Variants in TOX3 observed in about 807,000 individuals in gnomAD.
TOX3 encodes TOX high mobility group box family member 3.
TOX3 carries 22 observed loss-of-function variants against 64.3 expected under a neutral mutation model. The observed-to-expected ratio is 0.34, with a 90% CI of 0.24 to 0.49. The LOEUF is 0.49. Among genes scored for constraint, TOX3 ranks in the 20% least tolerant of loss-of-function variants. TOX3 has a pLI of 0.99. For synonymous variants in TOX3, 291 were observed against 273.6 expected (o/e 1.06, Z -0.63); for missense variants, 661 against 714.4 (o/e 0.93, Z 0.85).
chr16:52,478,119 C>G (rs797022649), intron 1 of TOX3, among the ~76,000 whole-genome samples: 9 of 152,312 alleles, frequency 5.9e-5, no homozygotes, highest in African/African-American at 2.2e-4. Flanking sequence ...TATGACAGTG[C>G]AAGAGAATTT....
At chr16:52,453,106 A>G (rs982024037) in intron 3 of TOX3, among the ~76,000 whole-genome samples, 1 of 152,020 alleles carries the variant, frequency 6.6e-6, no homozygotes, top group African/African-American at 2.4e-5. Flanking sequence ...GCTCACTGAC[A>G]TAACTTCCAC....
intron 1 of TOX3, among the ~76,000 whole-genome samples, chr16:52,517,654 C>T (rs1962493539): frequency 6.6e-6 from 1 of 152,098 alleles, no homozygotes; most frequent in South Asian, 2.1e-4. Context: ...AAAATCCTAG[C>T]TGCCCTCTGC....
chr16:52,480,388 G>T (rs1322588088), intron 1 of TOX3, among the ~76,000 whole-genome samples: 1 of 152,120 alleles, frequency 6.6e-6, no homozygotes, highest in Non-Finnish European at 1.5e-5. Context: ...CGTAGTTCTT[G>T]CTGCAATCCA....
chr16:52,438,998 A>G lies in TOX3; in HGVS notation c.*227T>C, dbSNP rs745806687. ...AAATAAAAAAGGCATCACATAAAAG[A>G]GCACAGCTTTTCTTGTTTAAAAACA... On this transcript the variant is annotated 3_prime_UTR_variant, in exon 7 of 7. Coordinates refer to ENST00000219746, the MANE Select transcript of TOX3 (RefSeq NM_001080430.4). The G allele has an allele frequency of 1.4e-6, 1 of 727,454 alleles. No homozygotes were observed. The highest frequency in any genetic ancestry group is 2.8e-5 in the East Asian group (1 of 36,238). 45.1% of individuals were successfully genotyped at this position (727,454 alleles called of 1,614,324 possible).
At chr16:52,461,932 G>A (rs1238646917) in intron 3 of TOX3, among the ~76,000 whole-genome samples, 1 of 152,100 alleles carries the variant, frequency 6.6e-6, no homozygotes, top group Non-Finnish European at 1.5e-5. Context: ...ATGTCAGGTA[G>A]TACATAGAAC....
chr16:52,452,190 T>C (rs986511569), intron 3 of TOX3, among the ~76,000 whole-genome samples: 1 of 152,202 alleles, frequency 6.6e-6, no homozygotes, highest in African/African-American at 2.4e-5. Flanking sequence ...TTAACAATGG[T>C]TACATTATAA....
chr16:52,539,094 C>A (rs1019429636), intron 1 of TOX3, among the ~76,000 whole-genome samples: 3 of 152,044 alleles, frequency 2.0e-5, no homozygotes, highest in Non-Finnish European at 2.9e-5. Context: ...GTTATGACAC[C>A]ATTAACATTT....
At chr16:52,515,681 A>G (rs1053113399) in intron 1 of TOX3, among the ~76,000 whole-genome samples, 7 of 152,270 alleles carry the variant, frequency 4.6e-5, no homozygotes, top group African/African-American at 1.7e-4. Flanking sequence ...CTTTGAATTT[A>G]TGAAGCCAGT....
intron 1 of TOX3, chr16:52,519,374 A>G: frequency 6.5e-7 from 1 of 1,548,776 alleles, no homozygotes; most frequent in South Asian, 1.2e-5. Flanking sequence ...GTCCAGATCC[A>G]TTAGAAACCT....
At chr16:52,518,398 G>C (rs1962512018) in intron 1 of TOX3, among the ~76,000 whole-genome samples, 1 of 152,126 alleles carries the variant, frequency 6.6e-6, no homozygotes, top group South Asian at 2.1e-4. Context: ...ATACCCATGG[G>C]AGAAATAGAT....
At chr16:52,456,911 C>A (rs1960534980) in intron 3 of TOX3, among the ~76,000 whole-genome samples, 1 of 152,072 alleles carries the variant, frequency 6.6e-6, no homozygotes, top group Non-Finnish European at 1.5e-5. Context: ...CTTAATTAGC[C>A]CCAAACTGAG....
chr16:52,464,114 G>T lies in TOX3; in HGVS notation c.228C>A (p.Asp76Glu). The T allele has an allele frequency of 6.3e-7, 1 of 1,595,104 alleles. No homozygotes were observed. Residue 76 changes from aspartate (D) to glutamate (E), a missense_variant, in exon 3 of 7, where the codon GAC becomes GAA. This residue lies in a region of TOX3 where 259 missense variants were observed against 261.2 expected (regional missense o/e 0.99). Coordinates refer to ENST00000219746, the MANE Select transcript of TOX3 (RefSeq NM_001080430.4). ...GTACATCCGGCATGCCTAGGGCAGG[G>T]TCTGACTCTGGAGGAGGCGTGATTG... ...IPPITPPPES[D>E]PALGMPDVLL...
At chr16:52,452,815 A>G (rs1960393773) in intron 3 of TOX3, among the ~76,000 whole-genome samples, 1 of 152,228 alleles carries the variant, frequency 6.6e-6, no homozygotes, top group Non-Finnish European at 1.5e-5. Context: ...TACATTTCCC[A>G]TTTCTTAATA....
At chr16:52,442,747 G>C (rs1960037763) in intron 6 of TOX3, among the ~76,000 whole-genome samples, 1 of 152,138 alleles carries the variant, frequency 6.6e-6, no homozygotes, top group African/African-American at 2.4e-5. Context: ...ACAGTTCTTT[G>C]AATAGAGATT....
intron 1 of TOX3, among the ~76,000 whole-genome samples, chr16:52,545,975 A>T (rs1963169841): frequency 6.6e-6 from 1 of 152,110 alleles, no homozygotes; most frequent in Non-Finnish European, 1.5e-5. Context: ...TCTCCCCGAA[A>T]TGCAAAACTT....
chr16:52,540,412 G>A (rs2151490599), intron 1 of TOX3, among the ~76,000 whole-genome samples: 1 of 152,038 alleles, frequency 6.6e-6, no homozygotes, highest in East Asian at 1.9e-4. Flanking sequence ...AAATATTTAT[G>A]TGTATATATA....
At chr16:52,479,347 A>G (rs1961305142) in intron 1 of TOX3, among the ~76,000 whole-genome samples, 1 of 152,250 alleles carries the variant, frequency 6.6e-6, no homozygotes, top group African/African-American at 2.4e-5. Flanking sequence ...CTGCAAGTAT[A>G]CACTGTGCTT....
chr16:52,527,360 C>T (rs1465710942), intron 1 of TOX3, among the ~76,000 whole-genome samples: 2 of 152,122 alleles, frequency 1.3e-5, no homozygotes, highest in Admixed American at 1.3e-4. Context: ...ATTGGTGGTG[C>T]TTTAACAATT....
intron 1 of TOX3, among the ~76,000 whole-genome samples, chr16:52,468,807 T>C (rs921117024): frequency 6.6e-6 from 1 of 152,202 alleles, no homozygotes; most frequent in Non-Finnish European, 1.5e-5. Context: ...CAAGACTAAC[T>C]GTGAAGGGAA....
Sources: allele counts gnomAD v4.1 joint callset (sites outside exome capture counted in the v4.1 genomes callset), GRCh38; gene constraint gnomAD v4.1.1; regional missense constraint gnomAD v4.1.1; transcripts MANE v1.5; gene names NCBI Gene and HGNC (gene_info 2026-07-23, HGNC 2026-07-21).